The following FAM186A variants were observed in gnomAD, a reference collection of about 807,000 sequenced individuals.
FAM186A encodes family with sequence similarity 186 member A.
A neutral mutation model predicts 216.8 loss-of-function variants in FAM186A; 163 were observed. The ratio of observed to expected loss-of-function variants is 0.75; its 90% confidence interval spans 0.66 to 0.86. The LOEUF is 0.86. FAM186A is among the 40% of genes least tolerant of loss of function. The pLI, the probability that FAM186A is intolerant of heterozygous loss-of-function variation, is 0.00. For missense variants in FAM186A, 2,184 were observed against 2,746.2 expected, an observed-to-expected ratio of 0.80 and a Z score of 4.58; for synonymous variants, 805 against 1,025.3, an observed-to-expected ratio of 0.79 and a Z score of 4.10.
At chr12:50,342,978 A>G (rs1044309345) in intron 4 of FAM186A, among the ~76,000 whole-genome samples, 1 of 149,386 alleles carries the variant, frequency 6.7e-6, no homozygotes, top group Non-Finnish European at 1.5e-5. Flanking sequence ...GGCTGGGTGC[A>G]GTGGCTGACA....
At chr12:50,343,988 A>G (rs1419292829) in intron 4 of FAM186A, among the ~76,000 whole-genome samples, 2 of 148,288 alleles carry the variant, frequency 1.3e-5, no homozygotes, top group Non-Finnish European at 3.0e-5. Flanking sequence ...CCTGGATTCA[A>G]GTGATTCACC....
chr12:50,364,415 G>A (rs1174975206), intron 1 of FAM186A, among the ~76,000 whole-genome samples: 1 of 151,708 alleles, frequency 6.6e-6, no homozygotes, highest in Admixed American at 6.6e-5. Flanking sequence ...AAAATTAGCT[G>A]GGCGTGGTGG....
intron 1 of FAM186A, among the ~76,000 whole-genome samples, chr12:50,380,296 CCTT>C (rs991467432): frequency 2.6e-5 from 4 of 151,952 alleles, no homozygotes; most frequent in South Asian, 2.1e-4. Flanking sequence ...TAATAAATGT[CCTT>C]CTTATATGCT....
chr12:50,351,594 A>G lies in FAM186A; in HGVS notation c.5238T>C (p.Thr1746=). ...CCCCGAATATAGAGGACTTCTCAGC[A>G]GTAGGAGCTGATGATGCCAGGGACA... ...LRLSLASSAP[T]AEKSSIFGVS... Residue 1746 remains threonine, a synonymous_variant, in exon 4 of 8, where the codon ACT becomes ACC. Coordinates refer to ENST00000327337, the MANE Select transcript of FAM186A (RefSeq NM_001145475.3). 1 of 1,551,400 alleles carries G rather than the reference A, an allele frequency of 6.4e-7. No individual in the cohort carries two copies. Among genetic ancestry groups the G allele is most frequent in the Non-Finnish European group, 8.7e-7 (1 of 1,146,790 alleles).
At chr12:50,393,242 A>AAATTT (rs1232754627) in intron 1 of FAM186A, among the ~76,000 whole-genome samples, 5 of 151,846 alleles carry the variant, frequency 3.3e-5, no homozygotes, top group African/African-American at 1.2e-4. Flanking sequence ...GCATACTTTT[A>AAATTT]AAATGTACAT....
intron 6 of FAM186A, 107 bp downstream of exon 6, chr12:50,331,563 A>G: frequency 1.8e-6 from 2 of 1,123,478 alleles, no homozygotes; most frequent in Non-Finnish European, 1.3e-6. Context: ...TAGACTCTCC[A>G]TTGCACCATT....
At chr12:50,339,741 TACACAC>T (rs10611207) in intron 4 of FAM186A, among the ~76,000 whole-genome samples, 44,438 of 148,274 alleles carry the variant, frequency 0.3, 6,745 homozygotes, top group South Asian at 0.43. Flanking sequence ...CAAAGTACTT[TACACAC>T]ACACACACAC....
chr12:50,381,698 G>A (rs1022914241), intron 1 of FAM186A, among the ~76,000 whole-genome samples: 3 of 152,182 alleles, frequency 2.0e-5, no homozygotes, highest in Non-Finnish European at 4.4e-5. Flanking sequence ...AGGTTTACAT[G>A]ATTGTAATCT....
At chr12:50,329,784 CAG>C in intron 7 of FAM186A, among the ~76,000 whole-genome samples, 1 of 152,102 alleles carries the variant, frequency 6.6e-6, no homozygotes, top group South Asian at 2.1e-4. Context: ...TTAGTAGAGA[CAG>C]GGTTTCACTA....
At chr12:50,385,325 G>A (rs1169418042) in intron 1 of FAM186A, among the ~76,000 whole-genome samples, 1 of 150,374 alleles carries the variant, frequency 6.7e-6, no homozygotes, top group African/African-American at 2.4e-5. Flanking sequence ...GGCTGAGGCA[G>A]GAGAATTGCT....
chr12:50,345,637 T>C (rs1942804367), intron 4 of FAM186A, among the ~76,000 whole-genome samples: 1 of 152,168 alleles, frequency 6.6e-6, no homozygotes, highest in African/African-American at 2.4e-5. Flanking sequence ...TTGTTGACTT[T>C]GTCCACAATT....
Position 50,354,347 on chromosome 12 carries a change from C to T in FAM186A, c.2485G>A (p.Glu829Lys). Residue 829 changes from glutamate (E) to lysine (K), a missense_variant, in exon 4 of 8, where the codon GAG becomes AAG. Physicochemically the swap from Glu to Lys is moderately conservative, Grantham distance 56. Transcript: ENST00000327337. Reference protein sequence around the residue: ...EKQRQEQYLQEGQEQMSGMSL... With the variant: ...EKQRQEQYLQKGQEQMSGMSL... ...ATGCCAGACATTTGTTCTTGACCCT[C>T]TTGCAAATATTGCTCCTGCCTTTGT... 1 of 1,551,658 alleles carries T rather than the reference C, an allele frequency of 6.4e-7. No homozygotes were observed. Among genetic ancestry groups the T allele is most frequent in the Non-Finnish European group, 8.7e-7 (1 of 1,147,004 alleles).
chr12:50,394,802 A>ACAATCTAT lies in FAM186A; in HGVS notation c.192+1483_192+1490dup, dbSNP rs1291004264. On this transcript the variant is annotated intron_variant, in intron 1 of 7. Coordinates refer to ENST00000327337, the MANE Select transcript of FAM186A (RefSeq NM_001145475.3). ...TGTCACCAGACTGGAATGTAGTGGC[A>ACAATCTAT]CAATCTATAGCTCACTGTAACCTCA... 4.4e-5 allele frequency among the ~76,000 whole-genome samples: 6 copies of ACAATCTAT among 134,894 alleles called. No homozygotes were observed. In the East Asian group the frequency reaches 1.5e-3, roughly 33 times the overall value. 88.5% of individuals were successfully genotyped at this position (134,894 alleles called of 152,430 possible). A position where few individuals can be genotyped will look rare whatever the true frequency, so the allele number is the denominator to read the frequency against.
At chr12:50,341,708 A>C (rs1446160035) in intron 4 of FAM186A, among the ~76,000 whole-genome samples, 1 of 152,150 alleles carries the variant, frequency 6.6e-6, no homozygotes, top group Non-Finnish European at 1.5e-5. Flanking sequence ...AGTGATGTGC[A>C]TCTGTAATCC....
In FAM186A at chr12:50,363,141, T is replaced by C; in HGVS notation, c.412+4A>G. The C allele has an allele frequency of 6.5e-7, 1 of 1,541,342 alleles. No individual in the cohort carries two copies. The highest frequency in any genetic ancestry group is 8.8e-7 in the Non-Finnish European group (1 of 1,142,036). ...TTTCCTCTGAACCGCTTCTGTAAAC[T>C]TACTCCATTCTTCCAACCAGGCCAG... On this transcript the variant is annotated splice_donor_region_variant and intron_variant, in intron 2 of 7. Coordinates refer to ENST00000327337, the MANE Select transcript of FAM186A (RefSeq NM_001145475.3).
In FAM186A at chr12:50,386,112, A is replaced by G. The variant is rs117214832; in HGVS notation, c.192+10181T>C. Reference sequence around the variant, plus strand: ...TACTTGAAGATTGCTGAGAGGAGATATTAAGTGTTCTCACCACAAAAAGAA... The same window carrying G: ...TACTTGAAGATTGCTGAGAGGAGATGTTAAGTGTTCTCACCACAAAAAGAA... On this transcript the variant is annotated intron_variant, in intron 1 of 7. Coordinates refer to ENST00000327337, the MANE Select transcript of FAM186A (RefSeq NM_001145475.3). 3.3e-5 allele frequency among the ~76,000 whole-genome samples: 5 copies of G among 152,274 alleles called. No individual in the cohort carries two copies. The East Asian group carries it at 9.7e-4, about 29-fold the overall frequency.
intron 1 of FAM186A, among the ~76,000 whole-genome samples, chr12:50,384,575 G>C (rs1414174838): frequency 6.6e-6 from 1 of 152,156 alleles, no homozygotes; most frequent in Non-Finnish European, 1.5e-5. Context: ...TCAAAACAGT[G>C]TGGTACTAGC....
Position 50,331,787 on chromosome 12 carries a change from G to C in FAM186A, c.6731C>G (p.Pro2244Arg). ...KKIHELNLSQ[P>R]IPLIIEEKQI... The stretch of plus-strand genomic sequence containing the variant: ...CTTTTCTTCGATGATTAAGGGGATA[G>C]GTTGACTAAGATTCAATTCATGTAT... Residue 2244 changes from proline to arginine, a missense_variant, in exon 6 of 8, where the codon CCT (proline) becomes CGT (arginine). This residue lies in a region of FAM186A where 721 missense variants were observed against 816.4 expected (regional missense o/e 0.88). Transcript: ENST00000327337. The C allele has an allele frequency of 6.5e-7, 1 of 1,542,012 alleles. No homozygotes were observed. Among genetic ancestry groups the C allele is most frequent in the Non-Finnish European group, 8.7e-7 (1 of 1,144,834 alleles).
At chr12:50,360,303 G>A (rs548520758) in intron 3 of FAM186A, among the ~76,000 whole-genome samples, 22 of 150,676 alleles carry the variant, frequency 1.5e-4, no homozygotes, top group African/African-American at 4.9e-4. Context: ...AAATTAGATT[G>A]TGGTGATAAA....
Sources: gnomAD v4.1 joint callset for allele counts (sites outside exome capture counted in the v4.1 genomes callset) on GRCh38, gnomAD v4.1.1 for gene constraint, gnomAD v4.1.1 regional missense constraint, MANE v1.5 for transcripts, NCBI Gene and HGNC (gene_info 2026-07-23, HGNC 2026-07-21) for gene names.